The following PCDHA2 variants were observed in gnomAD, a reference collection of about 807,000 sequenced individuals.
The protein encoded by PCDHA2 is protocadherin alpha-2.
In PCDHA2, 58 loss-of-function variants were observed where a neutral mutation model predicts 66.0. The observed-to-expected ratio is 0.88, with a 90% CI of 0.71 to 1.09. The LOEUF is 1.09. Ranked by LOEUF, PCDHA2 falls within the 50% of genes least tolerant of loss-of-function variation. The pLI is 0.00. For missense variants in PCDHA2, 1,267 were observed against 1,242.3 expected (o/e 1.02, Z -0.30); for synonymous variants, 634 against 554.0 (o/e 1.14, Z -2.03).
At chr5:140,869,083 T>C in intron 1 of PCDHA2, 1 of 1,582,990 alleles carries the variant, frequency 6.3e-7, no homozygotes, top group Non-Finnish European at 8.6e-7. Flanking sequence ...AAGCTTATTT[T>C]GGAAGCCAAT....
chr5:140,827,789 G>A (rs1378424997), intron 1 of PCDHA2, among the ~76,000 whole-genome samples: 1 of 152,206 alleles, frequency 6.6e-6, no homozygotes, highest in African/African-American at 2.4e-5. Flanking sequence ...AACACTGACC[G>A]TGCAAATTAC....
rs193096250 is a variant in PCDHA2 at position 140,998,611 on chromosome 5, C to A, written c.2537-11016C>A. Among the ~76,000 whole-genome samples, 28 of 151,482 alleles carry A rather than the reference C, an allele frequency of 1.8e-4. No individual in the cohort carries two copies. The East Asian group carries it at 5.2e-3, about 28-fold the overall frequency. ...CAGAGTTTTGCTCTTGTTGCCCAGG[C>A]TGGAGTGCAATGGCACAATCTCAGC... On this transcript the variant is annotated intron_variant, in intron 3 of 3. Transcript: ENST00000526136.
chr5:140,997,156 C>G (rs1266627646), intron 3 of PCDHA2, among the ~76,000 whole-genome samples: 1 of 152,106 alleles, frequency 6.6e-6, no homozygotes, highest in Non-Finnish European at 1.5e-5. Flanking sequence ...CAGTGACATC[C>G]TGCCCAGAGT....
intron 1 of PCDHA2, chr5:140,966,420 G>C (rs2096000872): frequency 2.4e-6 from 1 of 421,302 alleles, no homozygotes; most frequent in South Asian, 1.0e-4. Flanking sequence ...AGCAGGACTT[G>C]CTGAGCCCTC....
chr5:140,968,285 T>A, intron 1 of PCDHA2: 1 of 1,614,006 alleles, frequency 6.2e-7, no homozygotes, highest in Non-Finnish European at 8.5e-7. Flanking sequence ...GGTGACCTAC[T>A]CCCTTCTGGA....
intron 3 of PCDHA2, among the ~76,000 whole-genome samples, chr5:141,007,087 A>G (rs1554261040): frequency 6.6e-6 from 1 of 152,112 alleles, no homozygotes; most frequent in African/African-American, 2.4e-5. Context: ...AATAGAGAAG[A>G]GAGTCTAGGG....
chr5:140,879,816 G>C (rs1232945342), intron 1 of PCDHA2, among the ~76,000 whole-genome samples: 9 of 152,196 alleles, frequency 5.9e-5, no homozygotes, highest in African/African-American at 2.2e-4. Flanking sequence ...TTGGCTGTTG[G>C]TGTTCCCTGG....
At chr5:140,840,901 G>T (rs1776933352) in intron 1 of PCDHA2, among the ~76,000 whole-genome samples, 1 of 151,852 alleles carries the variant, frequency 6.6e-6, no homozygotes, top group African/African-American at 2.4e-5. Flanking sequence ...TGACATACAG[G>T]TCATACTTAA....
At position 140,795,519 on chromosome 5, in the gene PCDHA2, T is replaced by A; in HGVS notation, c.555T>A (p.Asn185Lys). Residue 185 changes from asparagine to lysine, a missense_variant, in exon 1 of 4, where the codon AAT becomes AAA. Physicochemically the swap from Asn to Lys is moderately conservative, Grantham distance 94 (BLOSUM62 0). Coordinates refer to ENST00000526136, the MANE Select transcript of PCDHA2 (RefSeq NM_018905.3). ...SEFFFLDIQA[N>K]DELSESLSLV... Reference sequence around the variant, plus strand: ...TTTTCTTCCTAGATATACAGGCAAATGATGAACTAAGCGAATCTTTGTCTC... The same window carrying A: ...TTTTCTTCCTAGATATACAGGCAAAAGATGAACTAAGCGAATCTTTGTCTC... 1.2e-6 allele frequency: 2 copies of A among 1,614,144 alleles called. No individual in the cohort carries two copies. The highest frequency in any genetic ancestry group is 1.7e-6 in the Non-Finnish European group (2 of 1,180,010).
rs991591970 is a variant in PCDHA2, at chr5:140,855,546, A to G, written c.2388+58194A>G. Reference sequence around the variant, plus strand: ...GAAAGAGAAGTAAGTTAAGTGTCAGAACTTAAATGGAACTAAAGTTGTCAT... The same window carrying G: ...GAAAGAGAAGTAAGTTAAGTGTCAGGACTTAAATGGAACTAAAGTTGTCAT... On this transcript the variant is annotated intron_variant, in intron 1 of 3. Coordinates refer to ENST00000526136, the MANE Select transcript of PCDHA2 (RefSeq NM_018905.3). Among the ~76,000 whole-genome samples the G allele has an allele frequency of 1.2e-4, 18 of 150,024 alleles. 2 individuals carry two copies. The highest frequency in any genetic ancestry group is 1.8e-4 in the Non-Finnish European group (12 of 67,114).
At chr5:140,861,124 A>G (rs1426704260) in intron 1 of PCDHA2, 4 of 153,324 alleles carry the variant, frequency 2.6e-5, no homozygotes, top group African/African-American at 9.6e-5. Flanking sequence ...AACACCCATT[A>G]AGACCACTTG....
In PCDHA2 at chr5:141,010,190, C is replaced by T. The variant is rs868983471; in HGVS notation, c.*253C>T. On this transcript the variant is annotated 3_prime_UTR_variant, in exon 4 of 4. Coordinates refer to ENST00000526136, the MANE Select transcript of PCDHA2 (RefSeq NM_018905.3). ...GAACCTAAAAAGCAGACCCAAGTTT[C>T]CTTTCTCCTCCGCCGCAAAGGAGAG... The T allele has an allele frequency of 6.4e-7, 1 of 1,552,504 alleles. No homozygotes were observed. Among genetic ancestry groups the T allele is most frequent in the Non-Finnish European group, 8.7e-7 (1 of 1,147,234 alleles).
chr5:140,980,857 T>C (rs2153822974), intron 2 of PCDHA2, among the ~76,000 whole-genome samples: 1 of 152,334 alleles, frequency 6.6e-6, no homozygotes. Flanking sequence ...ATCTTTTTCG[T>C]ATGTGTGCTT....
chr5:140,914,095 C>T (rs1368870998), intron 1 of PCDHA2, among the ~76,000 whole-genome samples: 1 of 152,082 alleles, frequency 6.6e-6, no homozygotes, highest in Admixed American at 6.5e-5. Context: ...TCAATTTGTT[C>T]TATAGTGCAG....
chr5:140,876,233 A>G, intron 1 of PCDHA2: 1 of 1,614,016 alleles, frequency 6.2e-7, no homozygotes, highest in Non-Finnish European at 8.5e-7. Context: ...TTGTCTGAAA[A>G]TGTCCAAAAC....
In PCDHA2 at chr5:140,849,860, C is replaced by T. The variant is rs1451585591; in HGVS notation, c.2388+52508C>T. The T allele has an allele frequency of 5.6e-5, 89 of 1,598,432 alleles. 9 individuals carry two copies. Among genetic ancestry groups the T allele is most frequent in the Non-Finnish European group, 7.4e-5 (87 of 1,167,988 alleles). ...ACGTGAACGACAACGCACCAGCGTT[C>T]GCGCAGTCCGAGTACACGGTGTTCG... On this transcript the variant is annotated intron_variant, in intron 1 of 3. Transcript: ENST00000526136.
intron 1 of PCDHA2, chr5:140,857,764 G>T (rs552891884): frequency 6.3e-7 from 1 of 1,597,520 alleles, no homozygotes; most frequent in Non-Finnish European, 8.6e-7. Flanking sequence ...CTGGCAGCGC[G>T]GGCGGTGCAG....
At chr5:140,835,820 G>A (rs1554135305) in intron 1 of PCDHA2, 5 of 1,612,676 alleles carry the variant, frequency 3.1e-6, no homozygotes, top group Non-Finnish European at 4.2e-6. Flanking sequence ...CTGTGTCGGC[G>A]GGGGACGCGG....
intron 1 of PCDHA2, among the ~76,000 whole-genome samples, chr5:140,844,649 T>G (rs1416986157): frequency 6.7e-6 from 1 of 149,658 alleles, no homozygotes; most frequent in Non-Finnish European, 1.5e-5. Flanking sequence ...AATTTCATTC[T>G]TGCAAACCAA....
Sources: gnomAD v4.1 joint callset for allele counts (sites outside exome capture counted in the v4.1 genomes callset) on GRCh38, gnomAD v4.1.1 for gene constraint, MANE v1.5 for transcripts, NCBI Gene and HGNC (gene_info 2026-07-23, HGNC 2026-07-21) for gene names.